CD44: variants seen among roughly 807,000 people sequenced by gnomAD.
CD44 encodes CD44 antigen.
Under a neutral mutation model 88.8 loss-of-function variants are expected in CD44, and 49 were observed. The ratio of observed to expected loss-of-function variants is 0.55; its 90% CI spans 0.44 to 0.70. The LOEUF is 0.70. Among genes scored for constraint, CD44 ranks in the 30% least tolerant of loss-of-function variants. The pLI, the probability that CD44 is intolerant of heterozygous loss-of-function variation, is 0.00. For missense variants in CD44, 883 were observed against 913.8 expected (o/e 0.97, Z 0.43); for synonymous variants, 325 against 312.3 (o/e 1.04, Z -0.43).
chr11:35,215,783 A>G (rs1037445238), intron 15 of CD44, among the ~76,000 whole-genome samples: 2 of 151,972 alleles, frequency 1.3e-5, no homozygotes, highest in East Asian at 3.9e-4. Context: ...GAGGCAGGAG[A>G]ATTGCTCGGA....
intron 1 of CD44, among the ~76,000 whole-genome samples, chr11:35,167,229 C>G: frequency 6.6e-6 from 1 of 152,002 alleles, no homozygotes; most frequent in Non-Finnish European, 1.5e-5. Context: ...AGTCAGAAAT[C>G]TGCAATTATG....
chr11:35,142,560 C>T (rs1858208548), intron 1 of CD44, among the ~76,000 whole-genome samples: 1 of 152,142 alleles, frequency 6.6e-6, no homozygotes, highest in African/African-American at 2.4e-5. Flanking sequence ...GACTCCGCCC[C>T]CTGCTGGGAG....
intron 1 of CD44, among the ~76,000 whole-genome samples, chr11:35,174,654 T>C (rs760912895): frequency 1.3e-5 from 2 of 152,264 alleles, no homozygotes; most frequent in Non-Finnish European, 2.9e-5. Context: ...CAAAACTCAC[T>C]AAAGTCCTTG....
rs144689531 is a variant in CD44, at chr11:35,206,666, T to TGGAG, written c.1414+425_1414+426insAGGG. ...GAGAAAGGAAGTGGGTGGTGGGGGT[T>TGGAG]GGTGGGGGGGGCAGTTTTCCTAAGA... On this transcript the variant is annotated intron_variant, in intron 11 of 17. Coordinates refer to ENST00000428726, the MANE Select transcript of CD44 (RefSeq NM_000610.4). Among the ~76,000 whole-genome samples, 715 of 115,818 alleles carry TGGAG rather than the reference T, an allele frequency of 6.2e-3. 7 individuals carry two copies. The highest frequency in any genetic ancestry group is 0.013 in the African/African-American group (282 of 22,208). 76.0% of individuals were successfully genotyped at this position (115,818 alleles called of 152,430 possible). A position where few individuals can be genotyped will look rare whatever the true frequency, so the allele number is the denominator to read the frequency against.
chr11:35,186,570 T>G (rs1463258625), intron 3 of CD44, among the ~76,000 whole-genome samples: 1 of 152,210 alleles, frequency 6.6e-6, no homozygotes, highest in African/African-American at 2.4e-5. Context: ...TGATATAGAA[T>G]GTATATTTAT....
intron 17 of CD44, among the ~76,000 whole-genome samples, chr11:35,222,098 G>T (rs1363392544): frequency 3.9e-5 from 6 of 152,212 alleles, no homozygotes; most frequent in Admixed American, 6.5e-5. Context: ...AAGTTATGAA[G>T]TATCTCACCA....
chr11:35,161,971 C>T (rs1408967307), intron 1 of CD44, among the ~76,000 whole-genome samples: 3 of 152,162 alleles, frequency 2.0e-5, no homozygotes, highest in Non-Finnish European at 2.9e-5. Flanking sequence ...CCCTGTCATT[C>T]TCTATTATAT....
chr11:35,209,939 A>C (rs1948240633), intron 12 of CD44, 26 bp from the exon 13 acceptor site: 2 of 1,448,744 alleles, frequency 1.4e-6, no homozygotes, highest in Non-Finnish European at 1.9e-6. Flanking sequence ...TCAAATTAAC[A>C]CTGGATTCAT....
At chr11:35,215,012 C>A (rs1948707751) in intron 15 of CD44, 98 bp downstream of exon 15, 1 of 631,972 alleles carries the variant, frequency 1.6e-6, no homozygotes, top group Non-Finnish European at 2.5e-6. Context: ...AGAAGTGGTT[C>A]TCAAACCTTC....
At chr11:35,222,078 T>C (rs893929688) in intron 17 of CD44, among the ~76,000 whole-genome samples, 5 of 152,248 alleles carry the variant, frequency 3.3e-5, no homozygotes, top group African/African-American at 9.6e-5. Context: ...ATGCAGACTC[T>C]GTCTGATGAA....
intron 11 of CD44, among the ~76,000 whole-genome samples, chr11:35,206,654 G>C (rs1947871503): frequency 8.3e-6 from 1 of 119,940 alleles, no homozygotes; most frequent in Non-Finnish European, 1.6e-5. Flanking sequence ...AAAGGAAGTG[G>C]GTGGTGGGGG....
chr11:35,206,747 C>CT (rs35334525), intron 11 of CD44, among the ~76,000 whole-genome samples: 115,162 of 151,182 alleles, frequency 0.76, 44,596 homozygotes, highest in East Asian at 0.93. Flanking sequence ...ATGAATATGT[C>CT]AGTGAGTGGA....
intron 1 of CD44, 74 bp downstream of exon 1, chr11:35,139,444 G>T: frequency 3.0e-6 from 4 of 1,332,970 alleles, no homozygotes; most frequent in Non-Finnish European, 4.2e-6. Flanking sequence ...CAGCCCCTCC[G>T]GCTGAGTCGG....
chr11:35,163,797 T>G (rs1056972783), intron 1 of CD44, among the ~76,000 whole-genome samples: 1 of 152,168 alleles, frequency 6.6e-6, no homozygotes, highest in Non-Finnish European at 1.5e-5. Flanking sequence ...AGAGGCATGA[T>G]TCTGCTTCTT....
chr11:35,210,000 GA>G lies in CD44; in HGVS notation c.1554del (p.Gly519AlafsTer14), dbSNP rs1948245924. On this transcript the variant is annotated frameshift_variant, in exon 13 of 18. Transcript: ENST00000428726. LOFTEE classifies it high-confidence loss of function. ...TTCTCAGAGCTTCTCTACATCACAT[GA>G]AGGCTTGGAAGAAGATAAAGACCAT... Reference protein sequence around the residue: ...SNSQSFSTSHEGLEEDKDHPT... With the variant: ...SNSQSFSTSHXGLEEDKDHPT... The G allele has an allele frequency of 6.4e-7, 1 of 1,573,660 alleles. No homozygotes were observed. Among genetic ancestry groups the G allele is most frequent in the Non-Finnish European group, 8.6e-7 (1 of 1,164,662 alleles).
intron 7 of CD44, among the ~76,000 whole-genome samples, chr11:35,199,048 T>A (rs1228789202): frequency 1.3e-5 from 2 of 151,054 alleles, no homozygotes; most frequent in South Asian, 4.2e-4. Flanking sequence ...AACTCAAGAA[T>A]TATCTTAGTT....
rs1055452147 is a variant in CD44, at chr11:35,230,638, G to A, written c.*1305G>A. On this transcript the variant is annotated 3_prime_UTR_variant, in exon 18 of 18. Transcript: ENST00000428726. ...TGGGGAGTCCCTCAAAAGGTTAAAG[G>A]GATTCCCATCATTGGAATCTTATCA... 2.0e-5 allele frequency: 3 copies of A among 152,102 alleles called. No homozygotes were observed. The highest frequency in any genetic ancestry group is 7.2e-5 in the African/African-American group (3 of 41,418). 9.4% of individuals were successfully genotyped at this position (152,102 alleles called of 1,614,324 possible). A position where few individuals can be genotyped will look rare whatever the true frequency, so the allele number is the denominator to read the frequency against.
chr11:35,167,492 T>G (rs1943426522), intron 1 of CD44, among the ~76,000 whole-genome samples: 1 of 152,160 alleles, frequency 6.6e-6, no homozygotes, highest in African/African-American at 2.4e-5. Flanking sequence ...CAGAACCAGC[T>G]CAGTAAGATT....
chr11:35,223,366 C>T (rs1449655214), intron 17 of CD44: 6 of 783,838 alleles, frequency 7.7e-6, no homozygotes, highest in African/African-American at 7.5e-5. Context: ...GAATGCACCA[C>T]TTTTGCTCAC....
Sources: allele counts gnomAD v4.1 joint callset (sites outside exome capture counted in the v4.1 genomes callset), GRCh38; gene constraint gnomAD v4.1.1; transcripts MANE v1.5; gene names NCBI Gene and HGNC (gene_info 2026-07-23, HGNC 2026-07-21).